The following LVRN variants were observed in gnomAD, a reference collection of about 807,000 sequenced individuals.
The protein encoded by LVRN is laeverin.
Under a neutral mutation model 111.4 loss-of-function variants are expected in LVRN, and 99 were observed. The observed-to-expected ratio is 0.89, with a 90% CI of 0.76 to 1.05. The LOEUF (loss-of-function observed/expected upper bound fraction) is 1.05, where lower values mean the gene tolerates loss of function less well. Among genes scored for constraint, LVRN ranks in the 50% least tolerant of loss-of-function variants. The pLI, the probability that LVRN is intolerant of heterozygous loss-of-function variation, is 0.00. For missense variants in LVRN, 1,414 were observed against 1,206.8 expected (o/e 1.17, Z -2.54); for synonymous variants, 488 against 449.5 (o/e 1.09, Z -1.08).
At chr5:115,984,495 T>G in intron 2 of LVRN, 75 bp from the exon 3 acceptor site, 10 of 1,536,038 alleles carry the variant, frequency 6.5e-6, no homozygotes, top group Non-Finnish European at 8.9e-6. Context: ...GGGTGACAAT[T>G]GACTTGACAA....
intron 3 of LVRN, among the ~76,000 whole-genome samples, chr5:115,986,987 G>A (rs543942617): frequency 5.3e-5 from 8 of 151,104 alleles, no homozygotes; most frequent in African/African-American, 1.7e-4. Context: ...TAAGTTTTAT[G>A]CATGTTCTTT....
chr5:115,970,382 T>C (rs75920275), intron 1 of LVRN, among the ~76,000 whole-genome samples: 1 of 144,170 alleles, frequency 6.9e-6, no homozygotes, highest in South Asian at 2.1e-4. Flanking sequence ...TTGAAATACA[T>C]TCTTTTTTTT....
intron 19 of LVRN, 69 bp from the exon 20 acceptor site, chr5:116,025,909 A>G (rs767246628): frequency 2.7e-5 from 43 of 1,584,748 alleles, no homozygotes; most frequent in Admixed American, 7.0e-5. Context: ...GCTACTTAGC[A>G]TTTAGACATT....
rs751179688 is a variant in LVRN at position 115,984,688 on chromosome 5, C to T, written c.957C>T (p.Asn319=). 12 of 1,613,462 alleles carry T rather than the reference C, an allele frequency of 7.4e-6. No homozygotes were observed. The highest frequency in any genetic ancestry group is 1.3e-5 in the African/African-American group (1 of 74,872). ...AFVICDYDHV[N]RTERGKEIRI... is the part of the protein sequence containing the mutation. ...TTATATGTGACTATGACCACGTCAA[C>T]AGAACAGAAAGGGGCAAGGAGGTGA... The change falls in exon 3 of 20, where the codon AAC becomes AAT. Residue 319 remains asparagine, a synonymous_variant. Coordinates refer to ENST00000357872, the MANE Select transcript of LVRN (RefSeq NM_173800.5).
Position 115,977,128 on chromosome 5 carries a change from G to C in LVRN, c.696-6159G>C, listed in dbSNP as rs1303544206. Among the ~76,000 whole-genome samples, 5 of 152,268 alleles carry C rather than the reference G, an allele frequency of 3.3e-5. No individual in the cohort carries two copies. In the East Asian group the frequency reaches 7.7e-4, roughly 23 times the overall value. On this transcript the variant is annotated intron_variant, in intron 1 of 19. Transcript: ENST00000357872. The stretch of plus-strand genomic sequence containing the variant: ...TTTCCCCAGCAGCTTCTCTTTGCCT[G>C]ACCTCATGATGATTACTATTTGTCC...
intron 1 of LVRN, among the ~76,000 whole-genome samples, chr5:115,981,586 C>A (rs893373256): frequency 3.3e-5 from 5 of 152,154 alleles, no homozygotes; most frequent in East Asian, 1.9e-4. Context: ...ATGTGACAAA[C>A]TAATTATACC....
chr5:116,014,313 G>A (rs1333926971), intron 15 of LVRN, 107 bp from the exon 16 acceptor site: 1 of 769,978 alleles, frequency 1.3e-6, no homozygotes, highest in African/African-American at 1.8e-5. Flanking sequence ...GTCATTGAAA[G>A]GATATTTAAA....
At chr5:116,013,792 T>C (rs541670755) in intron 15 of LVRN, among the ~76,000 whole-genome samples, 1 of 152,286 alleles carries the variant, frequency 6.6e-6, no homozygotes, top group South Asian at 2.1e-4. Context: ...TACCTGGATT[T>C]ATTATTGGTC....
intron 1 of LVRN, among the ~76,000 whole-genome samples, chr5:115,973,032 G>A (rs1316392470): frequency 2.0e-5 from 3 of 151,870 alleles, no homozygotes. Flanking sequence ...GGGCTCAGGT[G>A]ATTCTCCCAC....
chr5:116,012,121 A>G (rs1016171670), intron 14 of LVRN, among the ~76,000 whole-genome samples: 16 of 152,194 alleles, frequency 1.1e-4, no homozygotes, highest in African/African-American at 3.9e-4. Context: ...CTTGCAATAT[A>G]TTATATTATT....
In LVRN at chr5:115,984,644, A is replaced by G. The variant is rs1350863916; in HGVS notation, c.913A>G (p.Thr305Ala). The change falls in exon 3 of 20, where the codon ACT (threonine) becomes GCT (alanine). Residue 305 changes from threonine to alanine, a missense_variant. By Grantham distance (58) the Thr-to-Ala change is moderately conservative (BLOSUM62 0). Coordinates refer to ENST00000357872, the MANE Select transcript of LVRN (RefSeq NM_173800.5). ...CTTTTCCACTACGCCCCACATGCCA[A>G]CTTACTTAGTCGCATTTGTTATATG... ...TTFSTTPHMPTYLVAFVICDY... is the reference protein window; with the variant it reads ...TTFSTTPHMPAYLVAFVICDY... 3 of 1,613,612 alleles carry G rather than the reference A, an allele frequency of 1.9e-6. No individual in the cohort carries two copies. The African/African-American group carries it at 4.0e-5, about 22-fold the overall frequency.
intron 5 of LVRN, among the ~76,000 whole-genome samples, chr5:115,992,674 G>T (rs947537343): frequency 2.6e-5 from 4 of 152,204 alleles, no homozygotes; most frequent in Non-Finnish European, 4.4e-5. Context: ...ATTTCTAGTT[G>T]TTGTTGCTGT....
intron 4 of LVRN, among the ~76,000 whole-genome samples, chr5:115,988,447 C>G (rs557944949): frequency 4.0e-4 from 61 of 151,752 alleles, no homozygotes; most frequent in African/African-American, 1.3e-3. Context: ...TAATATGATC[C>G]TTAAGGAAAT....
At chr5:115,981,953 C>T (rs538193177) in intron 1 of LVRN, among the ~76,000 whole-genome samples, 160 of 152,170 alleles carry the variant, frequency 1.1e-3, no homozygotes, top group Middle Eastern at 3.4e-3. Flanking sequence ...TCATTATTTT[C>T]TAGGTGGGGA....
intron 13 of LVRN, chr5:116,010,382 A>G (rs1430755709): frequency 2.9e-6 from 1 of 344,312 alleles, no homozygotes; most frequent in Non-Finnish European, 5.7e-6. Context: ...TAGCTGTCAG[A>G]GCATTAGATA....
intron 2 of LVRN, among the ~76,000 whole-genome samples, chr5:115,984,032 T>C (rs993981365): frequency 7.9e-5 from 12 of 152,304 alleles, no homozygotes; most frequent in African/African-American, 2.9e-4. Flanking sequence ...GGCTGCCTCC[T>C]GCAGCCGCTT....
chr5:115,963,806 C>A (rs1753144422), intron 1 of LVRN, among the ~76,000 whole-genome samples: 1 of 152,202 alleles, frequency 6.6e-6, no homozygotes, highest in Non-Finnish European at 1.5e-5. Context: ...TTCCTCTGGC[C>A]AGTTTTCAAC....
Position 115,993,744 on chromosome 5 carries a change from T to C in LVRN, c.1264T>C (p.Phe422Leu). 1.3e-6 allele frequency: 2 copies of C among 1,598,272 alleles called. No homozygotes were observed. Among genetic ancestry groups the C allele is most frequent in the East Asian group, 2.2e-5 (1 of 44,550 alleles). The change falls in exon 6 of 20, where the codon TTT (phenylalanine) becomes CTT (leucine). Residue 422 changes from phenylalanine (F) to leucine (L), a missense_variant. Phe to Leu is a conservative substitution (Grantham distance 22). Coordinates refer to ENST00000357872, the MANE Select transcript of LVRN (RefSeq NM_173800.5). ...VVSHEIGHQW[F>L]GNLVTMNWWN... ...TTTTTCTTCTCATTTCCAAAAGTGG[T>C]TTGGAAACTTGGTTACCATGAATTG...
chr5:115,974,196 T>C (rs144212245), intron 1 of LVRN, among the ~76,000 whole-genome samples: 322 of 152,280 alleles, frequency 2.1e-3, no homozygotes, highest in African/African-American at 7.3e-3. Flanking sequence ...GCAGACATAG[T>C]TGTAGAATGC....
Sources: allele counts gnomAD v4.1 joint callset (sites outside exome capture counted in the v4.1 genomes callset), GRCh38; gene constraint gnomAD v4.1.1; transcripts MANE v1.5; gene names NCBI Gene and HGNC (gene_info 2026-07-23, HGNC 2026-07-21).